Variants in DPYD observed in about 807,000 individuals in gnomAD.
DPYD encodes the protein dihydropyrimidine dehydrogenase [NADP(+)].
A neutral mutation model predicts 116.2 loss-of-function variants in DPYD; 109 were observed. That is an observed-to-expected ratio of 0.94 (90% CI 0.80 to 1.10). The LOEUF (loss-of-function observed/expected upper bound fraction) is 1.10. DPYD is among the 50% of genes least tolerant of loss of function. The pLI, the probability that DPYD is intolerant of heterozygous loss-of-function variation, is 0.00. For synonymous variants in DPYD, 440 were observed against 432.0 expected (o/e 1.02, Z -0.23); for missense variants, 1,302 against 1,254.5 (o/e 1.04, Z -0.57).
chr1:97,767,607 T>C (rs945796199), intron 3 of DPYD, among the ~76,000 whole-genome samples: 2 of 152,068 alleles, frequency 1.3e-5, no homozygotes, highest in Non-Finnish European at 2.9e-5. Flanking sequence ...TCTACCAGAC[T>C]ACTCTACAGG....
intron 20 of DPYD, among the ~76,000 whole-genome samples, chr1:97,132,398 G>T (rs922686751): frequency 3.9e-5 from 6 of 151,928 alleles, no homozygotes; most frequent in African/African-American, 1.4e-4. Flanking sequence ...ACATAGCTAC[G>T]GTACAGTGTA....
At chr1:97,351,029 T>C (rs888323545) in intron 16 of DPYD, among the ~76,000 whole-genome samples, 2 of 152,164 alleles carry the variant, frequency 1.3e-5, no homozygotes, top group African/African-American at 4.8e-5. Flanking sequence ...TGCTGAACTT[T>C]GTATCTCCTA....
intron 16 of DPYD, among the ~76,000 whole-genome samples, chr1:97,337,932 T>C (rs965982858): frequency 3.3e-5 from 5 of 152,094 alleles, no homozygotes; most frequent in Non-Finnish European, 5.9e-5. Context: ...GGGAAGTGAG[T>C]TGCCACTAAA....
At chr1:97,616,142 A>AC (rs1553205945) in intron 8 of DPYD, among the ~76,000 whole-genome samples, 2 of 135,702 alleles carry the variant, frequency 1.5e-5, no homozygotes, top group African/African-American at 2.9e-5. Flanking sequence ...CTAATAAATG[A>AC]TTTTTTTTTT....
intron 21 of DPYD, among the ~76,000 whole-genome samples, chr1:97,088,317 T>C (rs1189055304): frequency 6.6e-6 from 1 of 152,248 alleles, no homozygotes; most frequent in Non-Finnish European, 1.5e-5. Context: ...GAATGGTTAC[T>C]TTCCTTCAAG....
At chr1:97,738,910 CT>C (rs947848366) in intron 4 of DPYD, among the ~76,000 whole-genome samples, 1 of 151,942 alleles carries the variant, frequency 6.6e-6, no homozygotes, top group East Asian at 1.9e-4. Flanking sequence ...TCCTTTTTGT[CT>C]TTTTTTCTAT....
chr1:97,821,672 T>C (rs990621942), intron 3 of DPYD, among the ~76,000 whole-genome samples: 12 of 152,170 alleles, frequency 7.9e-5, no homozygotes, highest in African/African-American at 2.7e-4. Flanking sequence ...CAATAGACTA[T>C]GTAGAAGTTG....
At chr1:97,627,309 T>C (rs888379652) in intron 8 of DPYD, among the ~76,000 whole-genome samples, 1 of 152,094 alleles carries the variant, frequency 6.6e-6, no homozygotes, top group African/African-American at 2.4e-5. Context: ...AGGATTAATG[T>C]CATTTTATAT....
chr1:97,699,909 T>A lies in DPYD; in HGVS notation c.484-362A>T, dbSNP rs1661501493. ...GTCAGTCAGTAGAATGAATGTTAGTTCCCTGAATCAGAAAACATGTCACAT... is the reference window on the plus strand; with the variant it reads ...GTCAGTCAGTAGAATGAATGTTAGTACCCTGAATCAGAAAACATGTCACAT... On this transcript the variant is annotated intron_variant, in intron 5 of 22. Transcript: ENST00000370192. 3.3e-5 allele frequency among the ~76,000 whole-genome samples: 5 copies of A among 152,196 alleles called. No individual in the cohort carries two copies. In the South Asian group the frequency reaches 1.0e-3, roughly 32 times the overall value.
chr1:97,654,043 T>G (rs1167001154), intron 8 of DPYD, among the ~76,000 whole-genome samples: 1 of 152,194 alleles, frequency 6.6e-6, no homozygotes, highest in Non-Finnish European at 1.5e-5. Flanking sequence ...TCAAGGTGTC[T>G]CTACAGTTTA....
chr1:97,102,396 C>CTCATATATATATATATATATATAT (rs1650762052), intron 20 of DPYD, among the ~76,000 whole-genome samples: 1 of 97,302 alleles, frequency 1.0e-5, no homozygotes, highest in Non-Finnish European at 2.0e-5. Flanking sequence ...CACTCAGTAT[C>CTCATATATATATATATATATATAT]ATATATATAT....
chr1:97,553,283 T>G (rs1385470414), intron 11 of DPYD, among the ~76,000 whole-genome samples: 1 of 152,074 alleles, frequency 6.6e-6, no homozygotes, highest in African/African-American at 2.4e-5. Flanking sequence ...ATAGCCATTA[T>G]TTTAATTATT....
At chr1:97,194,610 T>C (rs901733723) in intron 19 of DPYD, among the ~76,000 whole-genome samples, 3 of 152,030 alleles carry the variant, frequency 2.0e-5, no homozygotes, top group Non-Finnish European at 4.4e-5. Flanking sequence ...GTTCAAGCAA[T>C]TCTCCTGCCT....
chr1:97,551,417 T>C (rs911553033), intron 11 of DPYD, among the ~76,000 whole-genome samples: 3 of 152,174 alleles, frequency 2.0e-5, no homozygotes, highest in African/African-American at 7.2e-5. Flanking sequence ...TAATGGCAAC[T>C]GTAACACATC....
In DPYD at chr1:97,509,331, A is replaced by G. The variant is rs1570865432; in HGVS notation, c.1740+6395T>C. Among the ~76,000 whole-genome samples the G allele has an allele frequency of 3.9e-5, 6 of 152,144 alleles. No homozygotes were observed. The South Asian group carries it at 1.2e-3, about 31-fold the overall frequency. ...AGGCAGGCAGAGCCTTGAAAAACCA[A>G]GAGTAAGATCTTAGTAAAGGCTGGA... On this transcript the variant is annotated intron_variant, in intron 13 of 22. Coordinates refer to ENST00000370192, the MANE Select transcript of DPYD (RefSeq NM_000110.4).
intron 8 of DPYD, among the ~76,000 whole-genome samples, chr1:97,657,513 A>AC (rs963288605): frequency 1.3e-5 from 2 of 152,184 alleles, no homozygotes; most frequent in African/African-American, 4.8e-5. Context: ...AAAGCAAATT[A>AC]TTTTTTGACA....
chr1:97,690,462 C>T (rs940011132), intron 7 of DPYD, among the ~76,000 whole-genome samples: 2 of 151,636 alleles, frequency 1.3e-5, no homozygotes, highest in East Asian at 1.9e-4. Flanking sequence ...AATAATTTTA[C>T]ATATTTATGG....
chr1:97,653,643 T>C (rs1432138433), intron 8 of DPYD, among the ~76,000 whole-genome samples: 2 of 152,146 alleles, frequency 1.3e-5, no homozygotes, highest in African/African-American at 2.4e-5. Context: ...CTGTTGTCTT[T>C]GTATTCTCAT....
chr1:97,563,895 C>T (rs1319095363), intron 11 of DPYD, among the ~76,000 whole-genome samples: 1 of 152,098 alleles, frequency 6.6e-6, no homozygotes, highest in Non-Finnish European at 1.5e-5. Context: ...TGCAGAAATG[C>T]CAGTACTTAC....
Sources: gnomAD v4.1 joint callset for allele counts (sites outside exome capture counted in the v4.1 genomes callset) on GRCh38, gnomAD v4.1.1 for gene constraint, MANE v1.5 for transcripts, NCBI Gene and HGNC (gene_info 2026-07-23, HGNC 2026-07-21) for gene names.